The following ZNF804B variants were observed in gnomAD, a reference collection of about 807,000 sequenced individuals.
ZNF804B encodes zinc finger 804B.
Under a neutral mutation model 101.4 loss-of-function variants are expected in ZNF804B, and 80 were observed. That is an observed-to-expected ratio of 0.79 (90% confidence interval 0.66 to 0.95). The LOEUF (loss-of-function observed/expected upper bound fraction) is 0.95. Ranked by LOEUF, ZNF804B falls within the 40% of genes least tolerant of loss-of-function variation. ZNF804B has a pLI of 0.00. For synonymous variants in ZNF804B, 622 were observed against 558.8 expected (o/e 1.11, Z -1.59); for missense variants, 1,673 against 1,561.9 (o/e 1.07, Z -1.20).
intron 2 of ZNF804B, among the ~76,000 whole-genome samples, chr7:89,300,419 C>G (rs544551674): frequency 1.1e-4 from 16 of 151,682 alleles, no homozygotes; most frequent in African/African-American, 3.9e-4. Context: ...CACTTAATGA[C>G]TACTCTTCCT....
chr7:88,885,799 C>T (rs1042297112), intron 1 of ZNF804B, among the ~76,000 whole-genome samples: 1 of 151,404 alleles, frequency 6.6e-6, no homozygotes, highest in South Asian at 2.1e-4. Flanking sequence ...TCTGTTTAAA[C>T]CTGCTGAAAC....
chr7:88,818,386 G>A (rs767272294), intron 1 of ZNF804B, among the ~76,000 whole-genome samples: 14 of 152,092 alleles, frequency 9.2e-5, no homozygotes, highest in Non-Finnish European at 1.9e-4. Context: ...AAGCAAAGGG[G>A]ATAATAATTA....
intron 2 of ZNF804B, among the ~76,000 whole-genome samples, chr7:89,305,226 T>C (rs1221720831): frequency 6.6e-6 from 1 of 152,024 alleles, no homozygotes; most frequent in Non-Finnish European, 1.5e-5. Context: ...CTTATATCAT[T>C]ATTATTATTA....
At chr7:89,166,821 C>A (rs753711134) in intron 1 of ZNF804B, among the ~76,000 whole-genome samples, 26 of 152,108 alleles carry the variant, frequency 1.7e-4, no homozygotes, top group Admixed American at 2.0e-4. Context: ...AATATTTGAG[C>A]TCACCACAAT....
At chr7:89,205,950 TTCCATACATCCTCTGAAATCTAGGCG>T in intron 1 of ZNF804B, among the ~76,000 whole-genome samples, 1 of 152,218 alleles carries the variant, frequency 6.6e-6, no homozygotes, top group South Asian at 2.1e-4. Context: ...ATACAGGCAT[TTCCATACATCCTCTGAAATCTAGGCG>T]GAGGTTCCCA....
chr7:88,987,903 C>T (rs1364059176), intron 1 of ZNF804B, among the ~76,000 whole-genome samples: 1 of 151,862 alleles, frequency 6.6e-6, no homozygotes, highest in African/African-American at 2.4e-5. Context: ...TCTTAATCCC[C>T]TCCTCCTCCC....
intron 1 of ZNF804B, among the ~76,000 whole-genome samples, chr7:88,869,680 T>C (rs1417418038): frequency 6.6e-6 from 1 of 152,230 alleles, no homozygotes; most frequent in Non-Finnish European, 1.5e-5. Flanking sequence ...CCTTTAAATA[T>C]ACTTTTGAGT....
chr7:89,003,188 G>T (rs1788315859), intron 1 of ZNF804B, among the ~76,000 whole-genome samples: 1 of 151,840 alleles, frequency 6.6e-6, no homozygotes, highest in South Asian at 2.1e-4. Context: ...GCGTGATTTT[G>T]TGTGATTTAT....
intron 2 of ZNF804B, among the ~76,000 whole-genome samples, chr7:89,294,151 T>C (rs1790343835): frequency 6.6e-6 from 1 of 152,202 alleles, no homozygotes; most frequent in African/African-American, 2.4e-5. Flanking sequence ...AGAAAAGTAG[T>C]TACGATTCAG....
At chr7:89,073,577 T>A (rs192473110) in intron 1 of ZNF804B, among the ~76,000 whole-genome samples, 1 of 152,280 alleles carries the variant, frequency 6.6e-6, no homozygotes, top group African/African-American at 2.4e-5. Context: ...AGATTCTTAT[T>A]TTTTAAGAAC....
intron 1 of ZNF804B, among the ~76,000 whole-genome samples, chr7:88,984,819 T>C (rs1793737732): frequency 1.3e-5 from 2 of 152,106 alleles, no homozygotes; most frequent in African/African-American, 4.8e-5. Flanking sequence ...CAGTTGTCCA[T>C]TGTATGTCAA....
intron 1 of ZNF804B, among the ~76,000 whole-genome samples, chr7:88,904,518 T>C (rs1402017566): frequency 6.6e-6 from 1 of 152,208 alleles, no homozygotes; most frequent in East Asian, 1.9e-4. Context: ...AGAAATGGCA[T>C]TGAATCTGTA....
At position 88,760,030 on chromosome 7, in the gene ZNF804B, G is replaced by C. The variant is rs760300627; in HGVS notation, c.54G>C (p.Arg18=). 6.2e-7 allele frequency: 1 copy of C among 1,614,190 alleles called. No individual in the cohort carries two copies. Among genetic ancestry groups the C allele is most frequent in the South Asian group, 1.1e-5 (1 of 91,082 alleles). The change falls in exon 1 of 4, where the codon CGG becomes CGC. Residue 18 remains arginine, a synonymous_variant. Transcript: ENST00000333190. ...GACATCTCAGCAATGGGCACTACCG[G>C]GGCATTAAAGGAGTCTTCAGGGGAC... The part of the protein sequence containing the change: ...SSRHLSNGHY[R]GIKGVFRGPL...
chr7:89,124,195 T>C (rs1166908645), intron 1 of ZNF804B, among the ~76,000 whole-genome samples: 3 of 151,858 alleles, frequency 2.0e-5, no homozygotes, highest in Non-Finnish European at 4.4e-5. Context: ...AGCTAGGGAG[T>C]TCTGGACTTT....
At chr7:89,205,351 C>T (rs964792131) in intron 1 of ZNF804B, among the ~76,000 whole-genome samples, 4 of 152,190 alleles carry the variant, frequency 2.6e-5, no homozygotes, top group African/African-American at 9.7e-5. Context: ...AGTCTTAACT[C>T]ATTCCAGCAT....
At chr7:89,108,890 A>G (rs1197473592) in intron 1 of ZNF804B, among the ~76,000 whole-genome samples, 2 of 152,164 alleles carry the variant, frequency 1.3e-5, no homozygotes, top group Non-Finnish European at 2.9e-5. Flanking sequence ...GCTTGAAAAC[A>G]CCAGAGGAAG....
At chr7:89,212,606 C>G (rs961390798) in intron 1 of ZNF804B, among the ~76,000 whole-genome samples, 1 of 152,120 alleles carries the variant, frequency 6.6e-6, no homozygotes, top group Admixed American at 6.5e-5. Context: ...ATGAAAAGTG[C>G]TACTACAAAA....
In ZNF804B at chr7:88,953,977, G is replaced by T. The variant is rs566074263; in HGVS notation, c.108+193893G>T. On this transcript the variant is annotated intron_variant, in intron 1 of 3. Coordinates refer to ENST00000333190, the MANE Select transcript of ZNF804B (RefSeq NM_181646.5). ...TGTGGATATTTTTGTCCACATATTT[G>T]TGTAAAACTCTGATTATTTCCATAG... Among the ~76,000 whole-genome samples the T allele has an allele frequency of 7.3e-5, 11 of 151,584 alleles. No homozygotes were observed. In the South Asian group the frequency reaches 2.3e-3, roughly 31 times the overall value.
At chr7:89,120,228 C>A (rs1270159986) in intron 1 of ZNF804B, among the ~76,000 whole-genome samples, 2 of 152,064 alleles carry the variant, frequency 1.3e-5, no homozygotes, top group Non-Finnish European at 2.9e-5. Flanking sequence ...GCAGAGGTTG[C>A]AGTGAGCGGA....
Sources: gnomAD v4.1 joint callset for allele counts (sites outside exome capture counted in the v4.1 genomes callset) on GRCh38, gnomAD v4.1.1 for gene constraint, MANE v1.5 for transcripts, NCBI Gene and HGNC (gene_info 2026-07-23, HGNC 2026-07-21) for gene names.